TNPO1: variants seen among roughly 807,000 people sequenced by gnomAD.
The protein encoded by TNPO1 is transportin-1.
Under a neutral mutation model 119.5 loss-of-function variants are expected in TNPO1, and 8 were observed. The observed-to-expected ratio is 0.07, with a 90% CI of 0.04 to 0.12. The LOEUF (loss-of-function observed/expected upper bound fraction) is 0.12. Among genes scored for constraint, TNPO1 ranks in the 10% least tolerant of loss-of-function variants. The pLI, the probability that TNPO1 is intolerant of heterozygous loss-of-function variation, is 1.00. For missense variants in TNPO1, 576 were observed against 1,089.8 expected, an observed-to-expected ratio of 0.53 and a Z score of 6.64; for synonymous variants, 362 against 363.0, an observed-to-expected ratio of 1.00 and a Z score of 0.03.
At chr5:72,886,352 T>C (rs1748634215) in intron 11 of TNPO1, among the ~76,000 whole-genome samples, 1 of 152,218 alleles carries the variant, frequency 6.6e-6, no homozygotes, top group Non-Finnish European at 1.5e-5. Flanking sequence ...TAATTCTAGA[T>C]GATATACTGC....
intron 1 of TNPO1, among the ~76,000 whole-genome samples, chr5:72,843,814 A>G (rs1255410501): frequency 6.6e-6 from 1 of 152,172 alleles, no homozygotes; most frequent in Non-Finnish European, 1.5e-5. Flanking sequence ...TAATTGAACC[A>G]GATGGGGGGA....
chr5:72,881,038 C>A (rs1481425330), intron 9 of TNPO1, among the ~76,000 whole-genome samples: 1 of 152,008 alleles, frequency 6.6e-6, no homozygotes, highest in African/African-American at 2.4e-5. Flanking sequence ...TTATTTCTTG[C>A]AAACCTTACT....
intron 13 of TNPO1, among the ~76,000 whole-genome samples, chr5:72,888,684 A>G (rs1286611623): frequency 6.6e-6 from 1 of 152,218 alleles, no homozygotes; most frequent in Admixed American, 6.5e-5. Flanking sequence ...CATCTGAACT[A>G]GTGATGGCAG....
chr5:72,905,810 T>C (rs2112507217), intron 24 of TNPO1, among the ~76,000 whole-genome samples: 2 of 152,302 alleles, frequency 1.3e-5, no homozygotes, highest in South Asian at 4.1e-4. Context: ...GGTGGGAATA[T>C]TGTTTGAACC....
intron 1 of TNPO1, among the ~76,000 whole-genome samples, chr5:72,844,954 C>G (rs149732127): frequency 2.0e-5 from 3 of 152,232 alleles, no homozygotes; most frequent in African/African-American, 7.2e-5. Context: ...TGAGTAAGCT[C>G]TAGTCTTCTG....
In TNPO1 at chr5:72,876,366, T is replaced by C. The variant is rs181220483; in HGVS notation, c.801+629T>C. Among the ~76,000 whole-genome samples, 457 of 152,346 alleles carry C rather than the reference T, an allele frequency of 3.0e-3. 2 individuals carry two copies. Among genetic ancestry groups the C allele is most frequent in the Middle Eastern group, 0.02 (6 of 294 alleles). On this transcript the variant is annotated intron_variant, in intron 8 of 24. Transcript: ENST00000337273. Reference sequence around the variant, plus strand: ...TGTACAGTCTATTAGTTGGCACTTCTACCCTCAGGTACGTTGTGAAAATCA... The same window carrying C: ...TGTACAGTCTATTAGTTGGCACTTCCACCCTCAGGTACGTTGTGAAAATCA...
At position 72,816,728 on chromosome 5, in the gene TNPO1, G is replaced by A; in HGVS notation, c.-10G>A. 6.3e-7 allele frequency: 1 copy of A among 1,578,302 alleles called. No homozygotes were observed. Among genetic ancestry groups the A allele is most frequent in the Non-Finnish European group, 8.6e-7 (1 of 1,164,352 alleles). On this transcript the variant is annotated 5_prime_UTR_variant, in exon 1 of 25. Transcript: ENST00000337273. Reference sequence around the variant, plus strand: ...TTCGGCCGAAGGCCCGAGCGCCCGAGGCGTCTGGGATGGTGTGGGACCGGG... The same window carrying A: ...TTCGGCCGAAGGCCCGAGCGCCCGAAGCGTCTGGGATGGTGTGGGACCGGG...
At chr5:72,889,135 G>A (rs2112446497) in intron 13 of TNPO1, among the ~76,000 whole-genome samples, 1 of 152,252 alleles carries the variant, frequency 6.6e-6, no homozygotes, top group Non-Finnish European at 1.5e-5. Flanking sequence ...TTGGCTTACT[G>A]TAACCTCCGC....
At position 72,909,360 on chromosome 5, in the gene TNPO1, C is replaced by T. The variant is rs1235814884; in HGVS notation, c.*687C>T. 2 of 151,992 alleles carry T rather than the reference C, an allele frequency of 1.3e-5. No homozygotes were observed. The highest frequency in any genetic ancestry group is 2.9e-5 in the Non-Finnish European group (2 of 68,032). The allele number at this position is 151,992 out of a possible 1,614,324, so 9.4% of individuals were successfully genotyped here. A position where few individuals can be genotyped will look rare whatever the true frequency, so the allele number is the denominator to read the frequency against. ...CCTGTGAAATGCCAAATGAGTCACT[C>T]CTTTTACCTTTTTTGGGGTGGGCAG... On this transcript the variant is annotated 3_prime_UTR_variant, in exon 25 of 25. Coordinates refer to ENST00000337273, the MANE Select transcript of TNPO1 (RefSeq NM_002270.4).
intron 24 of TNPO1, among the ~76,000 whole-genome samples, chr5:72,908,306 C>T (rs944347292): frequency 2.0e-5 from 3 of 152,032 alleles, no homozygotes; most frequent in African/African-American, 7.2e-5. Context: ...AAGGATTGTC[C>T]TAAAGAAAGT....
Position 72,851,332 on chromosome 5 carries a change from T to C in TNPO1, c.205+13T>C. 1 of 1,437,172 alleles carries C rather than the reference T, an allele frequency of 7.0e-7. No homozygotes were observed. The allele number at this position is 1,437,172 out of a possible 1,614,324, so 89.0% of individuals were successfully genotyped here. On this transcript the variant is annotated intron_variant, in intron 3 of 24. Coordinates refer to ENST00000337273, the MANE Select transcript of TNPO1 (RefSeq NM_002270.4). ...TTAAAATCTGAAGGTAAGTAGGATT[T>C]GTATTGATAACTATTTAAAGTTTCT...
chr5:72,816,919 C>T, intron 1 of TNPO1, 167 bp downstream of exon 1: 1 of 765,048 alleles, frequency 1.3e-6, no homozygotes, highest in Non-Finnish European at 1.9e-6. Context: ...GTTCTAACCC[C>T]AACAGCTGCC....
chr5:72,903,349 C>A (rs913483937), intron 22 of TNPO1, among the ~76,000 whole-genome samples: 2 of 152,040 alleles, frequency 1.3e-5, no homozygotes, highest in Admixed American at 1.3e-4. Flanking sequence ...ACTGTAAGAT[C>A]ATTGGTTTTA....
At chr5:72,841,398 G>C (rs752369899) in intron 1 of TNPO1, among the ~76,000 whole-genome samples, 5 of 152,030 alleles carry the variant, frequency 3.3e-5, no homozygotes, top group Non-Finnish European at 5.9e-5. Flanking sequence ...GAATACAGGC[G>C]TGAGCCACCG....
chr5:72,909,400 ATGGGGT>A lies in TNPO1; in HGVS notation c.*732_*737del, dbSNP rs1451905156. The stretch of plus-strand genomic sequence containing the variant: ...GGGGTGGGCAGGGAGGGAGGAATAA[ATGGGGT>A]TGGGCATATCAAACTAAAGATGACA... On this transcript the variant is annotated 3_prime_UTR_variant, in exon 25 of 25. Transcript: ENST00000337273. 6.6e-6 allele frequency: 1 copy of A among 152,180 alleles called. No individual in the cohort carries two copies. Among genetic ancestry groups the A allele is most frequent in the Admixed American group, 6.6e-5 (1 of 15,260 alleles). 9.4% of individuals were successfully genotyped at this position (152,180 alleles called of 1,614,324 possible).
chr5:72,851,080 G>C lies in TNPO1; in HGVS notation c.130-164G>C, dbSNP rs1223264844. On this transcript the variant is annotated intron_variant, in intron 2 of 24. Coordinates refer to ENST00000337273, the MANE Select transcript of TNPO1 (RefSeq NM_002270.4). The stretch of plus-strand genomic sequence containing the variant: ...GTTTAGCAAGCACTAGCGTGTTTTT[G>C]AAATAGATGTTGATAGATTTAGTAA... 6.9e-6 allele frequency: 4 copies of C among 576,230 alleles called. No individual in the cohort carries two copies. The East Asian group carries it at 1.3e-4, about 18-fold the overall frequency. The allele number at this position is 576,230 out of a possible 1,614,324, so 35.7% of individuals were successfully genotyped here.
intron 6 of TNPO1, among the ~76,000 whole-genome samples, chr5:72,867,886 T>A (rs1470729607): frequency 6.6e-6 from 1 of 152,228 alleles, no homozygotes; most frequent in Non-Finnish European, 1.5e-5. Flanking sequence ...ATTTTTTAAG[T>A]GTTGCCAATC....
chr5:72,856,639 T>G (rs951389150), intron 4 of TNPO1, among the ~76,000 whole-genome samples: 1 of 152,236 alleles, frequency 6.6e-6, no homozygotes, highest in Admixed American at 6.5e-5. Context: ...GTATATAGGA[T>G]TCTAGATTTT....
At chr5:72,865,225 T>C (rs1375494832) in intron 5 of TNPO1, among the ~76,000 whole-genome samples, 1 of 152,136 alleles carries the variant, frequency 6.6e-6, no homozygotes, top group Non-Finnish European at 1.5e-5. Context: ...GCGGACCAGC[T>C]GAGGTCAGGA....
Sources: gnomAD v4.1 joint callset for allele counts (sites outside exome capture counted in the v4.1 genomes callset) on GRCh38, gnomAD v4.1.1 for gene constraint, MANE v1.5 for transcripts, NCBI Gene and HGNC (gene_info 2026-07-23, HGNC 2026-07-21) for gene names.